The following PCDHA10 variants were observed in gnomAD, a reference collection of about 807,000 sequenced individuals.
PCDHA10 encodes protocadherin alpha-10.
Under a neutral mutation model 61.2 loss-of-function variants are expected in PCDHA10, and 45 were observed. The ratio of observed to expected loss-of-function variants is 0.74; its 90% CI spans 0.58 to 0.94. The LOEUF is 0.94. Ranked by LOEUF, PCDHA10 falls within the 40% of genes least tolerant of loss-of-function variation. PCDHA10 has a pLI of 0.00. For synonymous variants in PCDHA10, 602 were observed against 548.8 expected (o/e 1.10, Z -1.35); for missense variants, 1,278 against 1,236.2 (o/e 1.03, Z -0.51).
intron 1 of PCDHA10, among the ~76,000 whole-genome samples, chr5:140,905,582 A>C (rs1281901890): frequency 1.3e-5 from 2 of 152,068 alleles, no homozygotes; most frequent in South Asian, 2.1e-4. Flanking sequence ...AATGATAATG[A>C]TATTTTGCTG....
At chr5:140,882,688 AATC>A in intron 1 of PCDHA10, 1 of 1,614,196 alleles carries the variant, frequency 6.2e-7, no homozygotes, top group South Asian at 1.1e-5. Context: ...AGAAACGAAT[AATC>A]ATTGCAGAAT....
At chr5:141,006,634 A>G (rs1324728437) in intron 3 of PCDHA10, among the ~76,000 whole-genome samples, 4 of 152,220 alleles carry the variant, frequency 2.6e-5, no homozygotes, top group Non-Finnish European at 5.9e-5. Flanking sequence ...GCTGCAATTC[A>G]TATAAGAGAT....
chr5:140,967,757 T>C, intron 1 of PCDHA10: 1 of 1,614,216 alleles, frequency 6.2e-7, no homozygotes, highest in Non-Finnish European at 8.5e-7. Flanking sequence ...AGCCTCCTCC[T>C]ACCAGATCTA....
chr5:140,880,168 T>A (rs1287992545), intron 1 of PCDHA10, among the ~76,000 whole-genome samples: 1 of 152,084 alleles, frequency 6.6e-6, no homozygotes, highest in East Asian at 1.9e-4. Flanking sequence ...ATGTTAGAAG[T>A]TAAACATGAA....
chr5:140,935,230 CTA>C (rs1363291872), intron 1 of PCDHA10, among the ~76,000 whole-genome samples: 2 of 152,128 alleles, frequency 1.3e-5, no homozygotes, highest in African/African-American at 4.8e-5. Context: ...TAAGGGATGT[CTA>C]TTTTTTAAAA....
At chr5:140,947,907 C>T (rs2094191786) in intron 1 of PCDHA10, among the ~76,000 whole-genome samples, 1 of 151,546 alleles carries the variant, frequency 6.6e-6, no homozygotes, top group African/African-American at 2.4e-5. Context: ...TGAGAGCAGA[C>T]ATTCTTGCCT....
intron 1 of PCDHA10, among the ~76,000 whole-genome samples, chr5:140,912,310 A>G (rs936183695): frequency 4.0e-5 from 6 of 151,764 alleles, no homozygotes; most frequent in African/African-American, 1.2e-4. Context: ...AATCCAGTCA[A>G]GTTGACCCTC....
chr5:140,876,481 C>G, intron 1 of PCDHA10: 1 of 1,613,996 alleles, frequency 6.2e-7, no homozygotes, highest in Non-Finnish European at 8.5e-7. Context: ...CAGCATGGTC[C>G]TGGTGGAAGT....
intron 1 of PCDHA10, chr5:140,858,899 C>G (rs1236968449): frequency 4.9e-6 from 1 of 203,942 alleles, no homozygotes; most frequent in South Asian, 8.1e-5. Context: ...ATATGTGTAG[C>G]GTACCACAGC....
chr5:140,931,993 T>C (rs1350907359), intron 1 of PCDHA10, among the ~76,000 whole-genome samples: 8 of 152,090 alleles, frequency 5.3e-5, no homozygotes, highest in Admixed American at 3.3e-4. Context: ...GCTCAAATTC[T>C]AAGTTCTTTC....
chr5:140,875,305 C>T, intron 1 of PCDHA10: 1 of 1,420,254 alleles, frequency 7.0e-7, no homozygotes, highest in South Asian at 1.6e-5. Context: ...TTTCTCCGCA[C>T]CCACATTCCA....
chr5:140,917,485 C>T (rs191372458), intron 1 of PCDHA10, among the ~76,000 whole-genome samples: 1 of 152,326 alleles, frequency 6.6e-6, no homozygotes, highest in Admixed American at 6.5e-5. Flanking sequence ...TTGCCAGGGC[C>T]TATGCCCAGA....
chr5:141,005,701 C>CAAAAAAA (rs59860837), intron 3 of PCDHA10, among the ~76,000 whole-genome samples: 5 of 7,784 alleles, frequency 6.4e-4, no homozygotes, highest in African/African-American at 9.3e-4. Context: ...AACTCCGTCT[C>CAAAAAAA]AAAAAAAAAA....
intron 3 of PCDHA10, among the ~76,000 whole-genome samples, chr5:140,995,073 C>A (rs2097663037): frequency 6.6e-6 from 1 of 152,180 alleles, no homozygotes; most frequent in Non-Finnish European, 1.5e-5. Context: ...CAACCTACAG[C>A]AATCCAAACT....
chr5:140,885,965 A>C (rs2060792569), intron 1 of PCDHA10, among the ~76,000 whole-genome samples: 1 of 152,070 alleles, frequency 6.6e-6, no homozygotes, highest in African/African-American at 2.4e-5. Context: ...TTTTATTTTG[A>C]GATAATTATA....
intron 1 of PCDHA10, chr5:140,877,318 G>A: frequency 6.2e-7 from 1 of 1,614,000 alleles, no homozygotes; most frequent in Non-Finnish European, 8.5e-7. Context: ...ACCGGCGGCG[G>A]TCGGCGCGCA....
At chr5:140,990,792 T>C (rs1554251750) in intron 3 of PCDHA10, among the ~76,000 whole-genome samples, 2 of 152,176 alleles carry the variant, frequency 1.3e-5, no homozygotes, top group African/African-American at 4.8e-5. Flanking sequence ...CGATGAACCA[T>C]GGAATACAGA....
At chr5:140,945,369 A>T (rs2153669585) in intron 1 of PCDHA10, among the ~76,000 whole-genome samples, 1 of 152,234 alleles carries the variant, frequency 6.6e-6, no homozygotes, top group African/African-American at 2.4e-5. Flanking sequence ...TAAAATGTCC[A>T]TATTACCCAA....
chr5:141,000,421 A>ATTTTTTTT (rs34755515), intron 3 of PCDHA10, among the ~76,000 whole-genome samples: 2 of 27,968 alleles, frequency 7.2e-5, no homozygotes, highest in Admixed American at 6.5e-4. Context: ...ATATATATAT[A>ATTTTTTTT]TTTTTTTTTT....
Sources: gnomAD v4.1 joint callset for allele counts (sites outside exome capture counted in the v4.1 genomes callset) on GRCh38, gnomAD v4.1.1 for gene constraint, MANE v1.5 for transcripts, NCBI Gene and HGNC (gene_info 2026-07-23, HGNC 2026-07-21) for gene names.